The following PXDC1 variants were observed in gnomAD, a reference collection of about 807,000 sequenced individuals.
The protein encoded by PXDC1 is PX domain containing 1, also known as PX domain-containing protein 1.
A neutral mutation model predicts 24.4 loss-of-function variants in PXDC1; 13 were observed. The ratio of observed to expected loss-of-function variants is 0.53; its 90% CI spans 0.35 to 0.85. The LOEUF (loss-of-function observed/expected upper bound fraction) is 0.85. PXDC1 is among the 40% of genes least tolerant of loss of function. The probability of loss-of-function intolerance (pLI) is 0.01; values close to 1 mark genes in which losing one functional copy is unlikely to be tolerated. For synonymous variants in PXDC1, 162 were observed against 124.9 expected, an observed-to-expected ratio of 1.30 and a Z score of -1.98; for missense variants, 344 against 309.3, an observed-to-expected ratio of 1.11 and a Z score of -0.84.
At chr6:3,744,675 G>A (rs536021417) in intron 1 of PXDC1, among the ~76,000 whole-genome samples, 2 of 152,218 alleles carry the variant, frequency 1.3e-5, no homozygotes, top group Non-Finnish European at 2.9e-5. Context: ...CAAGAACTCT[G>A]TGCACTTGGC....
intron 1 of PXDC1, among the ~76,000 whole-genome samples, chr6:3,748,160 G>C (rs1439333238): frequency 1.3e-5 from 2 of 152,188 alleles, no homozygotes; most frequent in African/African-American, 4.8e-5. Flanking sequence ...AACCATGTTA[G>C]GTATCGCACA....
At chr6:3,723,874 G>C in intron 4 of PXDC1, 138 bp from the exon 5 acceptor site, 1 of 666,986 alleles carries the variant, frequency 1.5e-6, no homozygotes, top group Non-Finnish European at 2.7e-6. Flanking sequence ...GAACTGGTGA[G>C]CTGGCTCCTG....
chr6:3,751,448 G>C lies in PXDC1; in HGVS notation c.84C>G (p.Ile28Met). Residue 28 changes from isoleucine (I) to methionine (M), a missense_variant, in exon 1 of 5, where the codon ATC (isoleucine) becomes ATG (methionine). Ile to Met is a conservative substitution (Grantham distance 10). Coordinates refer to ENST00000380283, the MANE Select transcript of PXDC1 (RefSeq NM_183373.4). ...CCTCTTCGTCGCCGCGCCGGCTGAC[G>C]ATGAGCCTGCGGATGCCGTTCACCC... is the stretch of plus-strand genomic sequence containing the variant. ...GCWVNGIRRL[I>M]VSRRGDEEEF... 1 of 1,600,020 alleles carries C rather than the reference G, an allele frequency of 6.2e-7. No homozygotes were observed. Among genetic ancestry groups the C allele is most frequent in the Non-Finnish European group, 8.5e-7 (1 of 1,174,534 alleles).
intron 3 of PXDC1, among the ~76,000 whole-genome samples, chr6:3,729,283 T>C (rs992434150): frequency 2.6e-5 from 4 of 152,192 alleles, no homozygotes; most frequent in Non-Finnish European, 4.4e-5. Flanking sequence ...CTGCTTTCCA[T>C]ACGAAGAGAA....
chr6:3,747,032 C>T (rs556572308), intron 1 of PXDC1, among the ~76,000 whole-genome samples: 1 of 152,276 alleles, frequency 6.6e-6, no homozygotes, highest in Admixed American at 6.5e-5. Flanking sequence ...TGAGCACAGG[C>T]AGGTACATTA....
In PXDC1 at chr6:3,742,780, A is replaced by C. The variant is rs138980991; in HGVS notation, c.257-4632T>G. On this transcript the variant is annotated intron_variant, in intron 1 of 4. Transcript: ENST00000380283. Reference sequence around the variant, plus strand: ...AAACAATTAAGAATTTGAAACCAAAAAATTGGTAACACAATTGTACATAAA... The same window carrying C: ...AAACAATTAAGAATTTGAAACCAAACAATTGGTAACACAATTGTACATAAA... Among the ~76,000 whole-genome samples, 538 of 152,362 alleles carry C rather than the reference A, an allele frequency of 3.5e-3. 2 individuals are homozygous for C. The highest frequency in any genetic ancestry group is 0.012 in the African/African-American group (512 of 41,578).
In PXDC1 at chr6:3,737,994, C is replaced by T. The variant is rs1464002826; in HGVS notation, c.348+63G>A. On this transcript the variant is annotated intron_variant, in intron 2 of 4. Transcript: ENST00000380283. The surrounding 1 kb of genome is among the most constrained non-coding windows in gnomAD (Gnocchi z 5.5). ...ACCCTCCGGGGGGATGGACGCCTTT[C>T]GCATTTGGGAGGTGCCAGCACCTCC... 9 of 1,356,106 alleles carry T rather than the reference C, an allele frequency of 6.6e-6. No homozygotes were observed. Among genetic ancestry groups the T allele is most frequent in the East Asian group, 2.3e-5 (1 of 43,652 alleles). 84.0% of individuals were successfully genotyped at this position (1,356,106 alleles called of 1,614,324 possible). A position where few individuals can be genotyped will look rare whatever the true frequency, so the allele number is the denominator to read the frequency against.
In PXDC1 at chr6:3,751,453, G is replaced by A. The variant is rs762474524; in HGVS notation, c.79C>T (p.Leu27Phe). The A allele has an allele frequency of 3.7e-6, 6 of 1,601,052 alleles. No individual in the cohort carries two copies. The highest frequency in any genetic ancestry group is 5.1e-6 in the Non-Finnish European group (6 of 1,175,158). ...TCGTCGCCGCGCCGGCTGACGATGA[G>A]CCTGCGGATGCCGTTCACCCAGCAG... Reference protein sequence around the residue: ...RGCWVNGIRRLIVSRRGDEEE... With the variant: ...RGCWVNGIRRFIVSRRGDEEE... The change falls in exon 1 of 5, where the codon CTC becomes TTC. Residue 27 changes from leucine to phenylalanine, a missense_variant. By Grantham distance (22) the Leu-to-Phe change is conservative (BLOSUM62 0). Coordinates refer to ENST00000380283, the MANE Select transcript of PXDC1 (RefSeq NM_183373.4).
chr6:3,749,538 T>C (rs544610549), intron 1 of PXDC1, among the ~76,000 whole-genome samples: 4 of 150,556 alleles, frequency 2.7e-5, no homozygotes, highest in South Asian at 2.2e-4. Context: ...CCAGGGTGTG[T>C]GCAGGGCACG....
rs1424960258 is a variant in PXDC1, at chr6:3,725,736, C to A, written c.578+1815G>T. Among the ~76,000 whole-genome samples, 2 of 152,190 alleles carry A rather than the reference C, an allele frequency of 1.3e-5. No homozygotes were observed. The highest frequency in any genetic ancestry group is 2.9e-5 in the Non-Finnish European group (2 of 68,032). On this transcript the variant is annotated intron_variant, in intron 4 of 4. Transcript: ENST00000380283. This position sits in a 1 kb window ranked among gnomAD's most constrained non-coding sequence, Gnocchi z 4.8. ...CAGCCGGTGCCGTGTAGAAACAGAT[C>A]GTCCCTGTGAGACACTGGAGCTGGA...
rs964767895 is a variant in PXDC1, at chr6:3,751,177, G to A, written c.256+99C>T. 47 of 955,626 alleles carry A rather than the reference G, an allele frequency of 4.9e-5. No individual in the cohort carries two copies. The East Asian group carries it at 5.3e-4, about 11-fold the overall frequency. 59.2% of individuals were successfully genotyped at this position (955,626 alleles called of 1,614,324 possible). ...GTCCCCTGTCCAGGGCGGGCAGAAA[G>A]GAGAAGTCGCAATCTCGGTTGAAGT... On this transcript the variant is annotated intron_variant, in intron 1 of 4. Coordinates refer to ENST00000380283, the MANE Select transcript of PXDC1 (RefSeq NM_183373.4).
intron 1 of PXDC1, among the ~76,000 whole-genome samples, chr6:3,739,981 G>C (rs1760418213): frequency 6.6e-6 from 1 of 152,126 alleles, no homozygotes; most frequent in Admixed American, 6.5e-5. Flanking sequence ...CCCACAAAGT[G>C]CTTCTTTATT....
Position 3,731,958 on chromosome 6 carries a change from C to A in PXDC1, c.467-4296G>T, listed in dbSNP as rs535617921. On this transcript the variant is annotated intron_variant, in intron 3 of 4. Coordinates refer to ENST00000380283, the MANE Select transcript of PXDC1 (RefSeq NM_183373.4). The stretch of plus-strand genomic sequence containing the variant: ...TGCTGTGGAGTGCCTGGTGAGGAGG[C>A]TTCTGCCAGCTGTTTCCACAGCGAA... Among the ~76,000 whole-genome samples, 9 of 152,344 alleles carry A rather than the reference C, an allele frequency of 5.9e-5. No homozygotes were observed. The East Asian group carries it at 1.7e-3, about 29-fold the overall frequency.
At position 3,743,893 on chromosome 6, in the gene PXDC1, G is replaced by T. The variant is rs374012763; in HGVS notation, c.257-5745C>A. Among the ~76,000 whole-genome samples the T allele has an allele frequency of 1.8e-4, 28 of 152,318 alleles. No individual in the cohort carries two copies. The East Asian group carries it at 4.2e-3, about 23-fold the overall frequency. On this transcript the variant is annotated intron_variant, in intron 1 of 4. Transcript: ENST00000380283. Reference sequence around the variant, plus strand: ...CTCTACATCTTTTCAGGAGTGAAAAGCTGAGCTGAGAATGCAAGAGGAAGA... The same window carrying T: ...CTCTACATCTTTTCAGGAGTGAAAATCTGAGCTGAGAATGCAAGAGGAAGA...
At chr6:3,734,102 A>G (rs1760262617) in intron 3 of PXDC1, among the ~76,000 whole-genome samples, 2 of 152,198 alleles carry the variant, frequency 1.3e-5, no homozygotes, top group Non-Finnish European at 2.9e-5. Context: ...CCCTTGCAAA[A>G]AGGCAAAGAA....
chr6:3,751,366 T>C lies in PXDC1; in HGVS notation c.166A>G (p.Ser56Gly). The change falls in exon 1 of 5, where the codon AGC (serine) becomes GGC (glycine). Residue 56 changes from serine to glycine, a missense_variant. Ser to Gly is a moderately conservative substitution (Grantham distance 56, BLOSUM62 0). Transcript: ENST00000380283. ...SDRSVLYLHR[S>G]LADLGRLWQR... ...CACAGGCGGCCCAGGTCCGCCAGGC[T>C]GCGGTGCAGGTAGAGCACGCTGCGG... The C allele has an allele frequency of 6.4e-7, 1 of 1,561,598 alleles. No individual in the cohort carries two copies. The highest frequency in any genetic ancestry group is 8.7e-7 in the Non-Finnish European group (1 of 1,155,274).
rs1325383594 is a variant in PXDC1 at position 3,723,185 on chromosome 6, A to G, written c.*434T>C. On this transcript the variant is annotated 3_prime_UTR_variant, in exon 5 of 5. Transcript: ENST00000380283. ...TGGGTGACTTGTCAAAATCTCCCTCAAGACGTTTTGTGCGTTTGCCGTGGG... is the reference window on the plus strand; with the variant it reads ...TGGGTGACTTGTCAAAATCTCCCTCGAGACGTTTTGTGCGTTTGCCGTGGG... 2 of 166,524 alleles carry G rather than the reference A, an allele frequency of 1.2e-5. No homozygotes were observed. The highest frequency in any genetic ancestry group is 2.6e-5 in the Non-Finnish European group (2 of 78,266). 10.3% of individuals were successfully genotyped at this position (166,524 alleles called of 1,614,324 possible). A position where few individuals can be genotyped will look rare whatever the true frequency, so the allele number is the denominator to read the frequency against.
chr6:3,746,146 C>A (rs1038690957), intron 1 of PXDC1, among the ~76,000 whole-genome samples: 1 of 152,158 alleles, frequency 6.6e-6, no homozygotes, highest in African/African-American at 2.4e-5. Context: ...AAGGCAGTAG[C>A]CCTGGAAGCA....
Position 3,738,937 on chromosome 6 carries a change from A to C in PXDC1, c.257-789T>G, listed in dbSNP as rs746975199. 8 of 1,301,262 alleles carry C rather than the reference A, an allele frequency of 6.1e-6. No homozygotes were observed. The African/African-American group carries it at 1.2e-4, about 20-fold the overall frequency. The allele number at this position is 1,301,262 out of a possible 1,614,324, so 80.6% of individuals were successfully genotyped here. On this transcript the variant is annotated intron_variant, in intron 1 of 4. Transcript: ENST00000380283. ...GCCCAAGGACACTGGCGTCTCCCCC[A>C]CACTTGTGTGACCGAGGCTGATGCA...
Sources: gnomAD v4.1 joint callset for allele counts (sites outside exome capture counted in the v4.1 genomes callset) on GRCh38, gnomAD v4.1.1 for gene constraint, Gnocchi (gnomAD v3.1) non-coding constraint, MANE v1.5 for transcripts, NCBI Gene and HGNC (gene_info 2026-07-23, HGNC 2026-07-21) for gene names.